Variants in DACH2 observed in about 807,000 individuals in gnomAD.
DACH2 encodes dachshund family transcription factor 2.
In DACH2, 17 loss-of-function variants were observed where a neutral mutation model predicts 35.8. The observed-to-expected ratio is 0.48, with a 90% CI of 0.33 to 0.71. The LOEUF (loss-of-function observed/expected upper bound fraction) is 0.71, where lower values mean the gene tolerates loss of function less well. Ranked by LOEUF, DACH2 falls within the 30% of genes least tolerant of loss-of-function variation. DACH2 has a pLI of 0.02. For missense variants in DACH2, 469 were observed against 472.7 expected, an observed-to-expected ratio of 0.99 and a Z score of 0.07; for synonymous variants, 195 against 177.3, an observed-to-expected ratio of 1.10 and a Z score of -0.79.
At chrX:86,419,869 G>C (rs1222737843) in intron 2 of DACH2, among the ~76,000 whole-genome samples, 2 of 111,648 alleles carry the variant, frequency 1.8e-5, no homozygotes, top group Non-Finnish European at 3.8e-5. Context: ...CAATAGAAAG[G>C]GTGGAATTGT....
chrX:86,705,048 C>CACATATATATATATATATCTT (rs2041196946), intron 5 of DACH2, among the ~76,000 whole-genome samples: 3 of 95,690 alleles, frequency 3.1e-5, no homozygotes, highest in African/African-American at 1.5e-4. Context: ...ATATATATCT[C>CACATATATATATATATATCTT]ACATATATAT....
chrX:86,545,982 C>A (rs1290816500), intron 3 of DACH2, among the ~76,000 whole-genome samples: 5 of 111,887 alleles, frequency 4.5e-5, no homozygotes, highest in Admixed American at 1.9e-4. Context: ...GTTTACAAGG[C>A]TGTTGACCTA....
Position 86,594,580 on chromosome X carries a change from C to T in DACH2, c.641-56456C>T, listed in dbSNP as rs2039689609. On this transcript the variant is annotated intron_variant, in intron 3 of 11. Coordinates refer to ENST00000373125, the MANE Select transcript of DACH2 (RefSeq NM_053281.3). ...TCTTGAAACTTTTTTTTTCCATAAA[C>T]GTGTTATGTAGAAATGTGCTGTTTA... Among the ~76,000 whole-genome samples the T allele has an allele frequency of 2.7e-5, 3 of 110,575 alleles. No homozygotes were observed. The South Asian group carries it at 1.1e-3, about 41-fold the overall frequency.
chrX:86,536,657 AT>A (rs200495715), intron 3 of DACH2, among the ~76,000 whole-genome samples: 15,239 of 111,311 alleles, frequency 0.14, 902 homozygotes, highest in East Asian at 0.24. Context: ...GAATCCACCA[AT>A]GACCTGGAAT....
chrX:86,650,606 A>C (rs1170807614), intron 3 of DACH2, among the ~76,000 whole-genome samples: 1 of 111,843 alleles, frequency 8.9e-6, no homozygotes, highest in East Asian at 2.8e-4. Flanking sequence ...CAAAACTCTT[A>C]GCAGACAAAA....
intron 2 of DACH2, among the ~76,000 whole-genome samples, chrX:86,419,506 A>G (rs1226033266): frequency 9.0e-6 from 1 of 111,499 alleles, no homozygotes; most frequent in African/African-American, 3.3e-5. Flanking sequence ...CGTGAGACTC[A>G]TTCACTATCA....
intron 1 of DACH2, among the ~76,000 whole-genome samples, chrX:86,302,310 G>A (rs532252227): frequency 3.6e-5 from 4 of 111,186 alleles, no homozygotes; most frequent in African/African-American, 6.5e-5. Flanking sequence ...TGTTCTAGCC[G>A]TGAGTTGGCA....
intron 11 of DACH2, among the ~76,000 whole-genome samples, chrX:86,816,814 G>T (rs907027544): frequency 1.8e-5 from 2 of 111,767 alleles, no homozygotes; most frequent in African/African-American, 6.5e-5. Flanking sequence ...ACCTTTGCAT[G>T]CAGATTACAT....
chrX:86,388,037 T>A (rs1204194320), intron 2 of DACH2, among the ~76,000 whole-genome samples: 3 of 112,149 alleles, frequency 2.7e-5, no homozygotes, highest in Middle Eastern at 4.6e-3. Flanking sequence ...CTGACCAGAT[T>A]TTCCTTTGAA....
intron 6 of DACH2, among the ~76,000 whole-genome samples, chrX:86,738,227 G>A (rs1481447265): frequency 9.0e-6 from 1 of 111,726 alleles, no homozygotes; most frequent in African/African-American, 3.2e-5. Flanking sequence ...ATGTGGAGTG[G>A]AGATTTTAAG....
chrX:86,349,430 G>A (rs1310051990), intron 1 of DACH2, among the ~76,000 whole-genome samples: 1 of 111,705 alleles, frequency 9.0e-6, no homozygotes, highest in African/African-American at 3.3e-5. Context: ...ATGGGGGCGT[G>A]GCAGGCCAGG....
chrX:86,445,540 A>G (rs1297184396), intron 2 of DACH2, among the ~76,000 whole-genome samples: 5 of 86,849 alleles, frequency 5.8e-5, no homozygotes, highest in Non-Finnish European at 1.1e-4. Context: ...AAAGAAAAAA[A>G]AAAAAGAAAC....
intron 1 of DACH2, among the ~76,000 whole-genome samples, chrX:86,308,869 T>C (rs931258318): frequency 4.5e-5 from 5 of 111,254 alleles, no homozygotes; most frequent in Non-Finnish European, 7.5e-5. Flanking sequence ...AGGTAATTAA[T>C]GGAGTTTTAG....
chrX:86,186,721 G>A (rs5968821), intron 1 of DACH2, among the ~76,000 whole-genome samples: 7,909 of 111,362 alleles, frequency 0.071, 694 homozygotes, highest in African/African-American at 0.24. Context: ...TGCAAGAGAA[G>A]TACATTGGAA....
At chrX:86,634,263 G>A (rs753631789) in intron 3 of DACH2, among the ~76,000 whole-genome samples, 1 of 111,035 alleles carries the variant, frequency 9.0e-6, no homozygotes, top group South Asian at 3.8e-4. Context: ...GTTTGGGCGG[G>A]GAGACAAATC....
intron 6 of DACH2, among the ~76,000 whole-genome samples, chrX:86,735,747 G>A (rs2041587816): frequency 9.0e-6 from 1 of 111,113 alleles, no homozygotes; most frequent in Non-Finnish European, 1.9e-5. Flanking sequence ...TTTTTGATGG[G>A]GCACAAATTA....
intron 7 of DACH2, among the ~76,000 whole-genome samples, chrX:86,752,896 T>C (rs769244092): frequency 1.6e-4 from 18 of 111,595 alleles, no homozygotes; most frequent in Non-Finnish European, 2.1e-4. Flanking sequence ...ACTAATGTCA[T>C]CATATGAACT....
chrX:86,300,082 A>G (rs1334471614), intron 1 of DACH2, among the ~76,000 whole-genome samples: 1 of 111,253 alleles, frequency 9.0e-6, no homozygotes, highest in African/African-American at 3.3e-5. Flanking sequence ...AATATACAAT[A>G]CATTGTTGTT....
intron 3 of DACH2, among the ~76,000 whole-genome samples, chrX:86,648,415 G>A (rs1461074358): frequency 1.8e-5 from 2 of 110,936 alleles, no homozygotes; most frequent in Admixed American, 1.9e-4. Flanking sequence ...CTTGTGGCCA[G>A]GTGCTAAACT....
Sources: gnomAD v4.1 joint callset for allele counts (sites outside exome capture counted in the v4.1 genomes callset) on GRCh38, gnomAD v4.1.1 for gene constraint, MANE v1.5 for transcripts, NCBI Gene and HGNC (gene_info 2026-07-23, HGNC 2026-07-21) for gene names.